The following HNRNPK variants were observed in gnomAD, a reference collection of about 807,000 sequenced individuals.
HNRNPK encodes dC-stretch binding protein.
Under a neutral mutation model 67.0 loss-of-function variants are expected in HNRNPK, and 7 were observed. The ratio of observed to expected loss-of-function variants is 0.10; its 90% CI spans 0.06 to 0.20. HNRNPK has a LOEUF of 0.20. Ranked by LOEUF, HNRNPK falls within the 10% of genes least tolerant of loss-of-function variation. HNRNPK has a pLI of 1.00. For missense variants in HNRNPK, 264 were observed against 606.5 expected (o/e 0.44, Z 5.93); for synonymous variants, 213 against 193.7 (o/e 1.10, Z -0.83).
At chr9:83,973,181 T>C in intron 9 of HNRNPK, 105 bp downstream of exon 9, 1 of 808,052 alleles carries the variant, frequency 1.2e-6, no homozygotes, top group South Asian at 1.6e-5. Context: ...CGATAAGCAA[T>C]CTTTGGAGGG....
At chr9:83,969,658 C>T (rs1162842243) in intron 16 of HNRNPK, 17 of 609,804 alleles carry the variant, frequency 2.8e-5, no homozygotes, top group East Asian at 1.4e-4. Context: ...ATTAAGAAAA[C>T]GGAATTGAAA....
At chr9:83,974,076 A>G in intron 7 of HNRNPK, 103 bp from the exon 8 acceptor site, 1 of 681,510 alleles carries the variant, frequency 1.5e-6, no homozygotes, top group South Asian at 2.0e-5. Context: ...AATCTATATT[A>G]TTAAATAATG....
chr9:83,971,487 G>C, intron 12 of HNRNPK, 131 bp from the exon 13 acceptor site: 1 of 801,486 alleles, frequency 1.2e-6, no homozygotes, highest in Non-Finnish European at 2.1e-6. Context: ...TTGTAATCGA[G>C]GGGAACAAAG....
intron 11 of HNRNPK, 40 bp downstream of exon 11, chr9:83,971,842 G>A (rs898038676): frequency 1.9e-6 from 3 of 1,560,512 alleles, no homozygotes; most frequent in South Asian, 1.2e-5. Context: ...ATTCATAGAT[G>A]GGGGAAGAAA....
Position 83,968,429 on chromosome 9 carries a change from C to T in HNRNPK, c.*978G>A, listed in dbSNP as rs1178297300. 1 of 152,456 alleles carries T rather than the reference C, an allele frequency of 6.6e-6. No individual in the cohort carries two copies. The highest frequency in any genetic ancestry group is 6.6e-5 in the Admixed American group (1 of 15,256). The allele number at this position is 152,456 out of a possible 1,614,324, so 9.4% of individuals were successfully genotyped here. ...CTAATAAGACACTAGAGCAAATTGA[C>T]AGTTTAAGTCTATAGGTGAGAAATT... On this transcript the variant is annotated 3_prime_UTR_variant, in exon 17 of 17. Coordinates refer to ENST00000376263, the MANE Select transcript of HNRNPK (RefSeq NM_031263.4).
At chr9:83,972,283 T>TCATTCCC (rs1956882716) in intron 10 of HNRNPK, 94 bp from the exon 11 acceptor site, 3 of 932,390 alleles carry the variant, frequency 3.2e-6, no homozygotes, top group Non-Finnish European at 4.9e-6. Context: ...AAAATGTAAG[T>TCATTCCC]CATTCCCCCA....
intron 10 of HNRNPK, 147 bp from the exon 11 acceptor site, chr9:83,972,336 A>G (rs1195974273): frequency 3.2e-6 from 2 of 622,230 alleles, no homozygotes; most frequent in Admixed American, 3.6e-5. Flanking sequence ...TGTCAACGCT[A>G]AAAGTAGCAA....
At chr9:83,974,348 A>T (rs56855602) in intron 7 of HNRNPK, among the ~76,000 whole-genome samples, 169 bp downstream of exon 7, 169 of 99,016 alleles carry the variant, frequency 1.7e-3, no homozygotes, top group African/African-American at 4.5e-3. Flanking sequence ...TTTTTTTTTA[A>T]AAAAAAAAAA....
intron 16 of HNRNPK, 147 bp from the exon 17 acceptor site, chr9:83,969,587 TA>T: frequency 1.6e-6 from 1 of 645,052 alleles, no homozygotes. Flanking sequence ...AATTACAAAT[TA>T]AAGCAATGTT....
chr9:83,970,933 A>G, intron 13 of HNRNPK, 21 bp from the exon 14 acceptor site: 2 of 1,610,644 alleles, frequency 1.2e-6, no homozygotes, highest in Non-Finnish European at 1.7e-6. Flanking sequence ...AAAGAAAAAA[A>G]TAGAAAATTA....
At chr9:83,973,199 A>C (rs1564063688) in intron 9 of HNRNPK, 87 bp downstream of exon 9, 1 of 846,256 alleles carries the variant, frequency 1.2e-6, no homozygotes, top group Admixed American at 2.0e-5. Flanking sequence ...GGGAACTGAG[A>C]GGGGAAGCGA....
chr9:83,971,422 G>A (rs1396986834), intron 12 of HNRNPK, 66 bp from the exon 13 acceptor site: 120 of 1,086,376 alleles, frequency 1.1e-4, no homozygotes, highest in African/African-American at 7.8e-5. Context: ...TTTTTAATAT[G>A]CCTAATTTGC....
chr9:83,969,454 GAA>G lies in HNRNPK; in HGVS notation c.1362-16_1362-15del. ...TACTGCTTCACACTATAAAAGAAAAGAAAAAAAAGTGCGAATTAGAATTTTTG... is the reference window on the plus strand; with the variant it reads ...TACTGCTTCACACTATAAAAGAAAAGAAAAAAGTGCGAATTAGAATTTTTG... On this transcript the variant is annotated splice_polypyrimidine_tract_variant and intron_variant, in intron 16 of 16. Coordinates refer to ENST00000376263, the MANE Select transcript of HNRNPK (RefSeq NM_031263.4). 6.5e-7 allele frequency: 1 copy of G among 1,548,278 alleles called. No individual in the cohort carries two copies. The highest frequency in any genetic ancestry group is 8.8e-7 in the Non-Finnish European group (1 of 1,138,208).
chr9:83,975,621 G>A, intron 5 of HNRNPK, 116 bp from the exon 6 acceptor site: 1 of 875,288 alleles, frequency 1.1e-6, no homozygotes, highest in Admixed American at 1.7e-5. Context: ...AGCCAACCAG[G>A]GTTTTCACAT....
chr9:83,973,434 A>G (rs763925431), intron 8 of HNRNPK, 35 bp from the exon 9 acceptor site: 1 of 1,201,560 alleles, frequency 8.3e-7, no homozygotes, highest in Non-Finnish European at 1.2e-6. Context: ...TTAGTCTCAA[A>G]TCAACAATTC....
chr9:83,973,846 C>T (rs944646997), intron 8 of HNRNPK, 56 bp downstream of exon 8: 19 of 1,264,358 alleles, frequency 1.5e-5, no homozygotes, highest in East Asian at 2.3e-5. Context: ...AAAATATAAT[C>T]GATCCTATGG....
At chr9:83,977,595 T>C in intron 4 of HNRNPK, 94 bp downstream of exon 4, 1 of 683,096 alleles carries the variant, frequency 1.5e-6, no homozygotes, top group South Asian at 1.8e-5. Context: ...TATTCTTCAA[T>C]CTGTAAAACT....
At chr9:83,977,104 G>T in intron 4 of HNRNPK, 53 bp from the exon 5 acceptor site, 2 of 1,217,856 alleles carry the variant, frequency 1.6e-6, no homozygotes, top group Admixed American at 1.7e-5. Context: ...AAAATTAATA[G>T]CTACCTACGC....
chr9:83,974,697 T>G lies in HNRNPK; in HGVS notation c.258-108A>C. ...ACTTTCACAGAGATGTAACACATGA[T>G]TATTTAATATTCCCCATTTAAAGTA... is the stretch of plus-strand genomic sequence containing the variant. On this transcript the variant is annotated intron_variant, in intron 6 of 16. Transcript: ENST00000376263. The G allele has an allele frequency of 7.3e-6, 5 of 688,304 alleles. No individual in the cohort carries two copies. The South Asian group carries it at 8.6e-5, about 12-fold the overall frequency. 42.6% of individuals were successfully genotyped at this position (688,304 alleles called of 1,614,324 possible). A position where few individuals can be genotyped will look rare whatever the true frequency, so the allele number is the denominator to read the frequency against.
Sources: gnomAD v4.1 joint callset for allele counts (sites outside exome capture counted in the v4.1 genomes callset) on GRCh38, gnomAD v4.1.1 for gene constraint, MANE v1.5 for transcripts, NCBI Gene and HGNC (gene_info 2026-07-23, HGNC 2026-07-21) for gene names.